The following FAM90A1 variants were observed in gnomAD, a reference collection of about 807,000 sequenced individuals.
FAM90A1 encodes the protein family with sequence similarity 90 member A1, also known as protein FAM90A1.
FAM90A1 carries 10 observed loss-of-function variants against 14.8 expected under a neutral mutation model. The observed-to-expected ratio is 0.67, with a 90% confidence interval of 0.42 to 1.14. FAM90A1 has a LOEUF of 1.14. FAM90A1 is among the 50% of genes most tolerant of loss of function. FAM90A1 has a pLI of 0.00. For missense variants in FAM90A1, 567 were observed against 602.8 expected (o/e 0.94, Z 0.62); for synonymous variants, 236 against 248.4 (o/e 0.95, Z 0.47).
Position 8,221,605 on chromosome 12 carries a change from C to A in FAM90A1, c.*217G>T. 4.8e-6 allele frequency: 3 copies of A among 620,536 alleles called. No homozygotes were observed. The highest frequency in any genetic ancestry group is 2.0e-5 in the South Asian group (1 of 50,894). 38.4% of individuals were successfully genotyped at this position (620,536 alleles called of 1,614,324 possible). ...CTTTTCCTGGCGCGTTTCCAGAGAA[C>A]CATGCGAACTACAATGTCCCTCACC... is the stretch of plus-strand genomic sequence containing the variant. On this transcript the variant is annotated 3_prime_UTR_variant, in exon 7 of 7. Coordinates refer to ENST00000538603, the MANE Select transcript of FAM90A1 (RefSeq NM_018088.3).
intron 3 of FAM90A1, among the ~76,000 whole-genome samples, chr12:8,225,110 G>A (rs1257901092): frequency 1.3e-5 from 2 of 152,236 alleles, no homozygotes; most frequent in Non-Finnish European, 2.9e-5. Context: ...CTGCCACAGG[G>A]CCCGTGGCCT....
intron 6 of FAM90A1, among the ~76,000 whole-genome samples, chr12:8,223,175 T>C (rs764272657): frequency 3.9e-5 from 6 of 152,326 alleles, no homozygotes; most frequent in Non-Finnish European, 7.3e-5. Flanking sequence ...TTCTCCACGT[T>C]TGGGGCCTCT....
rs1347273266 is a variant in FAM90A1, at chr12:8,223,484, G to A, written c.397C>T (p.Gln133Ter). 2 of 1,609,970 alleles carry A rather than the reference G, an allele frequency of 1.2e-6. No individual in the cohort carries two copies. Among genetic ancestry groups the A allele is most frequent in the South Asian group, 1.1e-5 (1 of 90,924 alleles). Residue 133 changes from glutamine to a stop codon, truncating the protein, a stop_gained, in exon 6 of 7, where the codon CAA becomes TAA. Transcript: ENST00000538603. LOFTEE classifies it low-confidence loss of function (END_TRUNC). ...TCAGAAGATTCCGTGGATCCTTTTT[G>A]ATTTGGCAGCGGCTTCTCTGGAGGT... ...RKPPEKPLPN[Q>*]KGSTESSDYL...
In FAM90A1 at chr12:8,222,800, C is replaced by G; in HGVS notation, c.433-16G>C. The G allele has an allele frequency of 6.3e-7, 1 of 1,581,124 alleles. No individual in the cohort carries two copies. Among genetic ancestry groups the G allele is most frequent in the Non-Finnish European group, 8.5e-7 (1 of 1,170,910 alleles). On this transcript the variant is annotated splice_polypyrimidine_tract_variant and intron_variant, in intron 6 of 6. Coordinates refer to ENST00000538603, the MANE Select transcript of FAM90A1 (RefSeq NM_018088.3). The stretch of plus-strand genomic sequence containing the variant: ...CGCTTGCAACCTGAAAGAGAGGAAA[C>G]AACACAGGTTAGAAGTTCCTCAGCA...
chr12:8,222,970 G>A (rs1359200458), intron 6 of FAM90A1, among the ~76,000 whole-genome samples, 186 bp from the exon 7 acceptor site: 6 of 152,228 alleles, frequency 3.9e-5, no homozygotes, highest in Admixed American at 3.3e-4. Flanking sequence ...TGAAAGATGC[G>A]CTCTCGAGCT....
At position 8,222,466 on chromosome 12, in the gene FAM90A1, G is replaced by T; in HGVS notation, c.751C>A (p.Leu251Ile). ...PQAASKTHGL[L>I]QAVSPQAQDK... Reference sequence around the variant, plus strand: ...TGTGCCTGGGGGCTGACGGCCTGGAGCAGGCCGTGGGTTTTGGAGGCAGCC... The same window carrying T: ...TGTGCCTGGGGGCTGACGGCCTGGATCAGGCCGTGGGTTTTGGAGGCAGCC... Residue 251 changes from leucine to isoleucine, a missense_variant, in exon 7 of 7, where the codon CTC (leucine) becomes ATC (isoleucine). Coordinates refer to ENST00000538603, the MANE Select transcript of FAM90A1 (RefSeq NM_018088.3). 1 of 1,601,200 alleles carries T rather than the reference G, an allele frequency of 6.2e-7. No homozygotes were observed. Among genetic ancestry groups the T allele is most frequent in the South Asian group, 1.1e-5 (1 of 89,916 alleles).
In FAM90A1 at chr12:8,224,074, C is replaced by A; in HGVS notation, c.265G>T (p.Val89Phe). Residue 89 changes from valine (V) to phenylalanine (F), a missense_variant, in exon 5 of 7, where the codon GTT (valine) becomes TTT (phenylalanine). By Grantham distance (50) the Val-to-Phe change is conservative (BLOSUM62 -1). Coordinates refer to ENST00000538603, the MANE Select transcript of FAM90A1 (RefSeq NM_018088.3). ...TTCAAGGGCCCAGGGTTCGCTTCAA[C>A]CTGGGGCTTCCATGGTTTCAGGTTT... Reference protein sequence around the residue: ...KENLKPWKPQVEANPGPLNKD... With the variant: ...KENLKPWKPQFEANPGPLNKD... 3.1e-6 allele frequency: 5 copies of A among 1,612,088 alleles called. No homozygotes were observed. The highest frequency in any genetic ancestry group is 4.2e-6 in the Non-Finnish European group (5 of 1,179,868).
intron 4 of FAM90A1, among the ~76,000 whole-genome samples, 169 bp from the exon 5 acceptor site, chr12:8,224,384 C>T (rs761910926): frequency 1.8e-4 from 27 of 152,376 alleles, no homozygotes; most frequent in African/African-American, 6.3e-4. Context: ...GATGTTCCCT[C>T]CCAAAGCCCA....
chr12:8,225,384 A>G (rs1476649469), intron 3 of FAM90A1, among the ~76,000 whole-genome samples: 5 of 152,128 alleles, frequency 3.3e-5, no homozygotes, highest in Non-Finnish European at 7.3e-5. Flanking sequence ...TCATAGAGAG[A>G]AGTTATCTTC....
chr12:8,221,840 G>A lies in FAM90A1; in HGVS notation c.1377C>T (p.Ser459=), dbSNP rs760601310. 4.4e-6 allele frequency: 7 copies of A among 1,595,888 alleles called. No individual in the cohort carries two copies. Among genetic ancestry groups the A allele is most frequent in the East Asian group, 4.5e-5 (2 of 44,866 alleles). Residue 459 remains serine (S), a synonymous_variant, in exon 7 of 7, where the codon AGC becomes AGT. Transcript: ENST00000538603. ...DLQVPSSSED[S]DSDLE The stretch of plus-strand genomic sequence containing the variant: ...TGCAGTCTCACTCCAGGTCAGAATC[G>A]CTGTCCTCTGAGGAGGAGGGAACCT...
Position 8,224,127 on chromosome 12 carries a change from G to T in FAM90A1, c.212C>A (p.Pro71Gln), listed in dbSNP as rs117679735. 6.8e-3 allele frequency: 10,927 copies of T among 1,611,220 alleles called. 28 individuals carry two copies. Among genetic ancestry groups the T allele is most frequent in the Non-Finnish European group, 7.8e-3 (9,146 of 1,179,114 alleles). ...MKCWKAALVP[P>Q]NFGEKEGKEN... ...CTTCCCTTCCTTTTCCCCAAAGTTCGGTGGAACCAGGGCTGCCTTCCAGCA... is the reference window on the plus strand; with the variant it reads ...CTTCCCTTCCTTTTCCCCAAAGTTCTGTGGAACCAGGGCTGCCTTCCAGCA... Residue 71 changes from proline (P) to glutamine (Q), a missense_variant, in exon 5 of 7, where the codon CCG becomes CAG. Transcript: ENST00000538603.
At position 8,221,371 on chromosome 12, in the gene FAM90A1, A is replaced by G; in HGVS notation, c.*451T>C. On this transcript the variant is annotated 3_prime_UTR_variant, in exon 7 of 7. Transcript: ENST00000538603. ...AGGAAAGACCCCGAGAGCGCTTTGC[A>G]CAGCGCGCTTCCCAGCGTCCGAAAC... The G allele has an allele frequency of 3.5e-6, 1 of 283,732 alleles. No homozygotes were observed. Among genetic ancestry groups the G allele is most frequent in the South Asian group, 4.2e-5 (1 of 23,754 alleles). 17.6% of individuals were successfully genotyped at this position (283,732 alleles called of 1,614,324 possible).
At position 8,225,169 on chromosome 12, in the gene FAM90A1, A is replaced by T. The variant is rs148231031; in HGVS notation, c.-56-281T>A. On this transcript the variant is annotated intron_variant, in intron 3 of 6. Coordinates refer to ENST00000538603, the MANE Select transcript of FAM90A1 (RefSeq NM_018088.3). ...ACCCCAAACTAACAACTGATTCTGG[A>T]GACTGGACTTAGGTCTATCACGATT... Among the ~76,000 whole-genome samples, 18 of 152,338 alleles carry T rather than the reference A, an allele frequency of 1.2e-4. No homozygotes were observed. In the East Asian group the frequency reaches 2.1e-3, roughly 18 times the overall value.
rs71042351 is a variant in FAM90A1 at position 8,226,802 on chromosome 12, C to CTTTTTTTTTTTTTTTTTTTTTTTT, written c.-420-348_-420-325dup. On this transcript the variant is annotated intron_variant, in intron 1 of 6. Transcript: ENST00000538603. Reference sequence around the variant, plus strand: ...TTTTTTCTTGTTTCTTCATTGATGTCTTTTTTTTTTTTTTTTTTTTTTTTT... The same window carrying CTTTTTTTTTTTTTTTTTTTTTTTT: ...TTTTTTCTTGTTTCTTCATTGATGTCTTTTTTTTTTTTTTTTTTTTTTTTTTTTTTTTTTTTTTTTTTTTTTTTT... Among the ~76,000 whole-genome samples, 6 of 79,806 alleles carry CTTTTTTTTTTTTTTTTTTTTTTTT rather than the reference C, an allele frequency of 7.5e-5. 1 individual carries two copies. The highest frequency in any genetic ancestry group is 2.9e-4 in the African/African-American group (5 of 17,164). The allele number at this position is 79,806 out of a possible 152,430, so 52.4% of individuals were successfully genotyped here. A position where few individuals can be genotyped will look rare whatever the true frequency, so the allele number is the denominator to read the frequency against.
chr12:8,224,374 G>A lies in FAM90A1; in HGVS notation c.124-159C>T, dbSNP rs1156431767. The stretch of plus-strand genomic sequence containing the variant: ...TTAAGTGCTGGGAGAGTTCGGATAC[G>A]ATGTTCCCTCCCAAAGCCCATGTGA... On this transcript the variant is annotated intron_variant, in intron 4 of 6. Coordinates refer to ENST00000538603, the MANE Select transcript of FAM90A1 (RefSeq NM_018088.3). Among the ~76,000 whole-genome samples, 5 of 152,264 alleles carry A rather than the reference G, an allele frequency of 3.3e-5. No individual in the cohort carries two copies. The South Asian group carries it at 6.2e-4, about 19-fold the overall frequency.
chr12:8,224,751 C>A lies in FAM90A1; in HGVS notation c.82G>T (p.Val28Phe). ...QTLQKQRRAP[V>F]GPRAPPPDEE... ...TCGGGCGGGGGAGCCCTTGGCCCAA[C>A]TGGGGCCCTCCGCTGCTTCTGGAGG... Residue 28 changes from valine to phenylalanine, a missense_variant, in exon 4 of 7, where the codon GTT becomes TTT. Transcript: ENST00000538603. 2 of 1,596,872 alleles carry A rather than the reference C, an allele frequency of 1.3e-6. No homozygotes were observed. Among genetic ancestry groups the A allele is most frequent in the Non-Finnish European group, 1.7e-6 (2 of 1,173,696 alleles).
In FAM90A1 at chr12:8,222,215, C is replaced by A. The variant is rs201556093; in HGVS notation, c.1002G>T (p.Pro334=). The A allele has an allele frequency of 5.6e-6, 9 of 1,603,142 alleles. No individual in the cohort carries two copies. The highest frequency in any genetic ancestry group is 2.2e-4 in the Middle Eastern group (1 of 4,538). ...GTGGTCCAAGTTCGGTTGCGGCTGG[C>A]GGAGGTTGGAGATTCTCCGGGGCCC... ...ELGAPENLQP[P]PAATELGPRT... The change falls in exon 7 of 7, where the codon CCG becomes CCT. Residue 334 remains proline (P), a synonymous_variant. Coordinates refer to ENST00000538603, the MANE Select transcript of FAM90A1 (RefSeq NM_018088.3).
At position 8,225,655 on chromosome 12, in the gene FAM90A1, T is replaced by C. The variant is rs752357563; in HGVS notation, c.-57+181A>G. Among the ~76,000 whole-genome samples the C allele has an allele frequency of 4.9e-3, 753 of 152,154 alleles. 6 individuals carry two copies. The highest frequency in any genetic ancestry group is 0.017 in the African/African-American group (710 of 41,482). ...TTTTCGCATTCCCACCTTGGTCTTA[T>C]CCCACACATGGAGACGGAAATGCTT... On this transcript the variant is annotated intron_variant, in intron 3 of 6. Transcript: ENST00000538603.
Position 8,222,587 on chromosome 12 carries a change from G to T in FAM90A1, c.630C>A (p.Ile210=), listed in dbSNP as rs755028837. Residue 210 remains isoleucine (I), a synonymous_variant, in exon 7 of 7, where the codon ATC becomes ATA. Coordinates refer to ENST00000538603, the MANE Select transcript of FAM90A1 (RefSeq NM_018088.3). ...CCTGGTGCCTGACTGCAGTCTGAGG[G>T]ATGTCGGCCGCAGCCCCTGTCTGTC... ...KERQTGAAAD[I]PQTAVRHQGP... 4 of 1,612,022 alleles carry T rather than the reference G, an allele frequency of 2.5e-6. No individual in the cohort carries two copies. The highest frequency in any genetic ancestry group is 2.2e-5 in the South Asian group (2 of 90,996).
Sources: gnomAD v4.1 joint callset for allele counts (sites outside exome capture counted in the v4.1 genomes callset) on GRCh38, gnomAD v4.1.1 for gene constraint, MANE v1.5 for transcripts, NCBI Gene and HGNC (gene_info 2026-07-23, HGNC 2026-07-21) for gene names.